Variants in PABPC4L observed in about 807,000 individuals in gnomAD.
The protein encoded by PABPC4L is poly(A) binding protein cytoplasmic 4 like, also known as polyadenylate-binding protein 4-like.
For synonymous variants in PABPC4L, 169 were observed against 164.1 expected, an observed-to-expected ratio of 1.03 and a Z score of -0.23; for missense variants, 452 against 451.4, an observed-to-expected ratio of 1.00 and a Z score of -0.01.
chr4:134,140,789 G>A, the PABPC4L span, among the ~76,000 whole-genome samples: 1 of 151,558 alleles, frequency 6.6e-6, no homozygotes, highest in Non-Finnish European at 1.5e-5. Context: ...GCATAGTTTT[G>A]GACAATGGAA....
the PABPC4L span, among the ~76,000 whole-genome samples, chr4:134,019,747 A>T: frequency 6.6e-6 from 1 of 152,160 alleles, no homozygotes; most frequent in Non-Finnish European, 1.5e-5. Context: ...TAAACAATAC[A>T]TGTTGAATCT....
chr4:133,981,533 A>G, the PABPC4L span, among the ~76,000 whole-genome samples: 3 of 150,342 alleles, frequency 2.0e-5, no homozygotes, highest in Non-Finnish European at 3.0e-5. Flanking sequence ...CAGAATCAGC[A>G]CTTTATCTTA....
At chr4:134,044,089 C>T in the PABPC4L span, among the ~76,000 whole-genome samples, 1 of 151,500 alleles carries the variant, frequency 6.6e-6, no homozygotes, top group Non-Finnish European at 1.5e-5. Flanking sequence ...TTATCTGGGA[C>T]TACAGCCATG....
downstream of PABPC4L, among the ~76,000 whole-genome samples, chr4:134,193,989 GA>G (rs564380044): frequency 4.4e-4 from 67 of 151,960 alleles, no homozygotes; most frequent in African/African-American, 1.6e-3. Flanking sequence ...GAAAGAGACA[GA>G]ACTTTTCAGG....
chr4:134,069,730 C>T, the PABPC4L span, among the ~76,000 whole-genome samples: 2 of 152,154 alleles, frequency 1.3e-5, no homozygotes, highest in South Asian at 4.1e-4. Flanking sequence ...TATTTTATTA[C>T]ATTCCTTAAA....
the PABPC4L span, among the ~76,000 whole-genome samples, chr4:134,014,896 CT>C: frequency 6.6e-6 from 1 of 152,044 alleles, no homozygotes; most frequent in African/African-American, 2.4e-5. Flanking sequence ...CTTTAATGCA[CT>C]CCTTTTTAGT....
chr4:134,024,214 C>T, the PABPC4L span, among the ~76,000 whole-genome samples: 1 of 152,220 alleles, frequency 6.6e-6, no homozygotes, highest in Admixed American at 6.6e-5. Context: ...ATTCTGTCAG[C>T]TCTGAATATT....
the PABPC4L span, among the ~76,000 whole-genome samples, chr4:134,146,938 G>T: frequency 6.6e-6 from 1 of 152,098 alleles, no homozygotes; most frequent in Non-Finnish European, 1.5e-5. Context: ...TGGCTTGAAG[G>T]TCGAGTTTCA....
chr4:134,009,730 T>G, the PABPC4L span, among the ~76,000 whole-genome samples: 1 of 152,038 alleles, frequency 6.6e-6, no homozygotes, highest in Non-Finnish European at 1.5e-5. Context: ...ATAGCATATA[T>G]CTTCCTCTGA....
At chr4:134,196,159 T>C (rs1431687337), downstream of PABPC4L, among the ~76,000 whole-genome samples, 2 of 151,428 alleles carry the variant, frequency 1.3e-5, no homozygotes, top group African/African-American at 4.8e-5. Flanking sequence ...TGTGAGTTCA[T>C]AATTATGAGT....
At chr4:133,986,365 T>A in the PABPC4L span, among the ~76,000 whole-genome samples, 8 of 152,144 alleles carry the variant, frequency 5.3e-5, no homozygotes, top group East Asian at 1.5e-3. Context: ...ATATATAAAT[T>A]AAGTAAAATG....
At chr4:134,180,592 G>T in the PABPC4L span, among the ~76,000 whole-genome samples, 2 of 151,638 alleles carry the variant, frequency 1.3e-5, no homozygotes, top group Admixed American at 1.3e-4. Context: ...GAATCTAGGA[G>T]CTGATTCTTT....
chr4:133,997,250 T>C, the PABPC4L span, among the ~76,000 whole-genome samples: 360 of 152,318 alleles, frequency 2.4e-3, 1 homozygote, highest in African/African-American at 8.2e-3. Context: ...GAAATGATTA[T>C]GTTTTGTGAA....
chr4:134,042,870 C>CT, the PABPC4L span, among the ~76,000 whole-genome samples: 1 of 152,010 alleles, frequency 6.6e-6, no homozygotes, highest in Non-Finnish European at 1.5e-5. Flanking sequence ...ATAGTCACAT[C>CT]TTTTTTTAAG....
chr4:134,034,377 CACA>C, the PABPC4L span, among the ~76,000 whole-genome samples: 1 of 151,838 alleles, frequency 6.6e-6, no homozygotes, highest in African/African-American at 2.4e-5. Flanking sequence ...TGCCTATTAA[CACA>C]ACATCCATTA....
the PABPC4L span, among the ~76,000 whole-genome samples, chr4:134,022,803 A>G: frequency 6.6e-6 from 1 of 150,572 alleles, no homozygotes. Context: ...GTGACTTTCT[A>G]TTTTTCCCCA....
Position 134,198,854 on chromosome 4 carries a change from C to G in PABPC4L, c.*1053G>C, listed in dbSNP as rs1177975763. On this transcript the variant is annotated 3_prime_UTR_variant, in exon 2 of 2. Coordinates refer to ENST00000421491, the MANE Select transcript of PABPC4L (RefSeq NM_001114734.2). ...AACTTCAATTCATCAGAAAATCAAT[C>G]AGTGTTTCTGATCAATGAAGGCTAA... is the stretch of plus-strand genomic sequence containing the variant. The G allele has an allele frequency of 6.6e-6, 1 of 151,920 alleles. No homozygotes were observed. The highest frequency in any genetic ancestry group is 2.4e-5 in the African/African-American group (1 of 41,418). The allele number at this position is 151,920 out of a possible 1,614,324, so 9.4% of individuals were successfully genotyped here.
the PABPC4L span, among the ~76,000 whole-genome samples, chr4:133,979,694 G>T: frequency 2.0e-5 from 3 of 152,022 alleles, no homozygotes; most frequent in Non-Finnish European, 2.9e-5. Context: ...CTTTTGCAAA[G>T]AAATCAATCA....
the PABPC4L span, among the ~76,000 whole-genome samples, chr4:134,070,213 T>A: frequency 1.5e-4 from 23 of 152,018 alleles, no homozygotes; most frequent in Non-Finnish European, 3.1e-4. Context: ...GGTGCTCCCG[T>A]ACCACTGACC....
Sources: gnomAD v4.1 joint callset for allele counts (sites outside exome capture counted in the v4.1 genomes callset) on GRCh38, gnomAD v4.1.1 for gene constraint, MANE v1.5 for transcripts, NCBI Gene and HGNC (gene_info 2026-07-23, HGNC 2026-07-21) for gene names.